The following FIG4 variants were observed in gnomAD, a reference collection of about 807,000 sequenced individuals.
The protein encoded by FIG4 is FIG4 phosphoinositide 5-phosphatase, also known as polyphosphoinositide phosphatase.
In FIG4, 112 loss-of-function variants were observed where a neutral mutation model predicts 118.6. The ratio of observed to expected loss-of-function variants is 0.94; its 90% CI spans 0.81 to 1.11. The LOEUF (loss-of-function observed/expected upper bound fraction) is 1.11, where lower values mean the gene tolerates loss of function less well. Ranked by LOEUF, FIG4 falls within the 50% of genes least tolerant of loss-of-function variation. The pLI is 0.00. For missense variants in FIG4, 969 were observed against 1,111.7 expected (o/e 0.87, Z 1.83); for synonymous variants, 369 against 381.2 (o/e 0.97, Z 0.37).
intron 22 of FIG4, among the ~76,000 whole-genome samples, chr6:109,808,350 C>CAAAAAAAAA (rs55948419): frequency 3.4e-4 from 23 of 67,014 alleles, no homozygotes; most frequent in South Asian, 7.4e-4. Context: ...ACACTCACAG[C>CAAAAAAAAA]AAAAAAAAAA....
At position 109,721,038 on chromosome 6, in the gene FIG4, CG is replaced by C. The variant is rs1160281453; in HGVS notation, c.289+4471del. On this transcript the variant is annotated intron_variant, in intron 3 of 22. Coordinates refer to ENST00000230124, the MANE Select transcript of FIG4 (RefSeq NM_014845.6). The stretch of plus-strand genomic sequence containing the variant: ...CCTTTTGATACACAGCCCTTAGGTA[CG>C]TGTCCTTTTTCTGCCACTGTCGTCT... Among the ~76,000 whole-genome samples the C allele has an allele frequency of 2.6e-5, 4 of 152,224 alleles. No homozygotes were observed. The East Asian group carries it at 7.7e-4, about 29-fold the overall frequency.
At chr6:109,711,799 A>G (rs1205427199) in intron 1 of FIG4, among the ~76,000 whole-genome samples, 1 of 152,234 alleles carries the variant, frequency 6.6e-6, no homozygotes, top group African/African-American at 2.4e-5. Context: ...TGAACCTATC[A>G]TCAGGATGTT....
intron 6 of FIG4, 96 bp downstream of exon 6, chr6:109,735,394 C>T: frequency 8.2e-7 from 1 of 1,221,370 alleles, no homozygotes; most frequent in Non-Finnish European, 1.2e-6. Context: ...TTTGTCCATC[C>T]CTCTTTGCTG....
intron 16 of FIG4, among the ~76,000 whole-genome samples, chr6:109,784,168 ATTC>A (rs1270503134): frequency 6.6e-6 from 1 of 152,146 alleles, no homozygotes; most frequent in Non-Finnish European, 1.5e-5. Flanking sequence ...TTTTTAAAAA[ATTC>A]TTCTCCTTCC....
chr6:109,743,619 T>C, intron 9 of FIG4, 56 bp from the exon 10 acceptor site: 1 of 1,353,370 alleles, frequency 7.4e-7, no homozygotes, highest in Non-Finnish European at 1.1e-6. Flanking sequence ...CTATGCTTCT[T>C]TTATTTTGCT....
intron 4 of FIG4, among the ~76,000 whole-genome samples, chr6:109,727,623 C>G (rs1254899749): frequency 6.6e-6 from 1 of 152,030 alleles, no homozygotes; most frequent in African/African-American, 2.4e-5. Flanking sequence ...CCATGGATCT[C>G]TTTGTTATTT....
intron 10 of FIG4, among the ~76,000 whole-genome samples, chr6:109,758,437 C>T (rs946857474): frequency 7.9e-5 from 12 of 152,086 alleles, no homozygotes; most frequent in Admixed American, 6.6e-4. Flanking sequence ...CCTTTCCTTG[C>T]ACCTTATATA....
At chr6:109,813,160 A>C (rs1402553052) in intron 22 of FIG4, among the ~76,000 whole-genome samples, 1 of 152,172 alleles carries the variant, frequency 6.6e-6, no homozygotes, top group Non-Finnish European at 1.5e-5. Flanking sequence ...TAAATTGGGA[A>C]TCTCAAGCTT....
At chr6:109,710,283 C>T (rs542036199) in intron 1 of FIG4, among the ~76,000 whole-genome samples, 1 of 152,252 alleles carries the variant, frequency 6.6e-6, no homozygotes, top group South Asian at 2.1e-4. Flanking sequence ...GTTGAACCAA[C>T]CTTGCATCCC....
At chr6:109,790,657 T>C (rs1242528565) in intron 19 of FIG4, among the ~76,000 whole-genome samples, 2 of 152,204 alleles carry the variant, frequency 1.3e-5, no homozygotes, top group African/African-American at 4.8e-5. Flanking sequence ...TAGCTCCTTA[T>C]AGAGAATTTT....
At chr6:109,803,476 G>A (rs1224367591) in intron 22 of FIG4, among the ~76,000 whole-genome samples, 2 of 152,160 alleles carry the variant, frequency 1.3e-5, no homozygotes, top group African/African-American at 4.8e-5. Context: ...GGCAAGTTTG[G>A]GGGCTAAGGT....
intron 22 of FIG4, among the ~76,000 whole-genome samples, chr6:109,806,944 T>G (rs1218312613): frequency 6.6e-6 from 1 of 152,208 alleles, no homozygotes; most frequent in Non-Finnish European, 1.5e-5. Context: ...CTCATCCTTT[T>G]TATGGCTGCA....
At chr6:109,814,519 G>A (rs1778806562) in intron 22 of FIG4, among the ~76,000 whole-genome samples, 1 of 151,734 alleles carries the variant, frequency 6.6e-6, no homozygotes, top group Admixed American at 6.6e-5. Flanking sequence ...TTTTTTTCTT[G>A]TAATTAATAA....
At chr6:109,759,547 C>T (rs921068914) in intron 10 of FIG4, among the ~76,000 whole-genome samples, 2 of 152,100 alleles carry the variant, frequency 1.3e-5, no homozygotes, top group African/African-American at 2.4e-5. Context: ...GAGAACATTG[C>T]CCAAGGTCAC....
chr6:109,720,217 CAG>C (rs991268461), intron 3 of FIG4, among the ~76,000 whole-genome samples: 5 of 152,120 alleles, frequency 3.3e-5, no homozygotes, highest in South Asian at 2.1e-4. Flanking sequence ...GAAAAGTAAA[CAG>C]GGAGTAATAA....
chr6:109,691,831 C>T (rs1562628601), intron 1 of FIG4, among the ~76,000 whole-genome samples: 1 of 152,162 alleles, frequency 6.6e-6, no homozygotes, highest in African/African-American at 2.4e-5. Flanking sequence ...TTCAGAAAGT[C>T]TGTTAAAGTT....
At chr6:109,746,815 A>G (rs560494211) in intron 10 of FIG4, among the ~76,000 whole-genome samples, 2 of 152,268 alleles carry the variant, frequency 1.3e-5, no homozygotes, top group African/African-American at 4.8e-5. Context: ...ACCAGATAGG[A>G]GGCTGTTATA....
intron 5 of FIG4, 65 bp downstream of exon 5, chr6:109,732,752 A>C: frequency 2.0e-6 from 2 of 987,110 alleles, no homozygotes; most frequent in Non-Finnish European, 3.2e-6. Flanking sequence ...TCCAGCGGGT[A>C]AAAGCAGAAT....
intron 10 of FIG4, among the ~76,000 whole-genome samples, chr6:109,755,058 T>A (rs1273190195): frequency 6.6e-6 from 1 of 152,212 alleles, no homozygotes; most frequent in Non-Finnish European, 1.5e-5. Context: ...TTTCCTTCTT[T>A]CTCTTGTGGG....
Sources: gnomAD v4.1 joint callset for allele counts (sites outside exome capture counted in the v4.1 genomes callset) on GRCh38, gnomAD v4.1.1 for gene constraint, MANE v1.5 for transcripts, NCBI Gene and HGNC (gene_info 2026-07-23, HGNC 2026-07-21) for gene names.